The following SLC24A2 variants were observed in gnomAD, a reference collection of about 807,000 sequenced individuals.
SLC24A2 encodes the protein solute carrier family 24 member 2.
In SLC24A2, 36 loss-of-function variants were observed where a neutral mutation model predicts 62.0. The observed-to-expected ratio is 0.58, with a 90% CI of 0.44 to 0.77. The LOEUF (loss-of-function observed/expected upper bound fraction) is 0.77. Among genes scored for constraint, SLC24A2 ranks in the 30% least tolerant of loss-of-function variants. The pLI is 0.00. For missense variants in SLC24A2, 846 were observed against 817.9 expected (o/e 1.03, Z -0.42); for synonymous variants, 358 against 294.0 (o/e 1.22, Z -2.23).
At chr9:19,766,887 G>A (rs1163198854) in intron 2 of SLC24A2, among the ~76,000 whole-genome samples, 2 of 152,244 alleles carry the variant, frequency 1.3e-5, no homozygotes, top group Non-Finnish European at 2.9e-5. Context: ...CTGAAGCTAC[G>A]CCCACAGCCA....
rs533058730 is a variant in SLC24A2, at chr9:19,587,572, T to C, written c.1129+9657A>G. 2.6e-5 allele frequency among the ~76,000 whole-genome samples: 4 copies of C among 152,306 alleles called. No homozygotes were observed. In the South Asian group the frequency reaches 8.3e-4, roughly 32 times the overall value. On this transcript the variant is annotated intron_variant, in intron 5 of 10. Transcript: ENST00000341998. ...AGGCCTATGACTAAAATGAGATGAT[T>C]AGGTTTACTTCAGATCTAATCAAAA...
the SLC24A2 span, among the ~76,000 whole-genome samples, chr9:19,837,029 C>T: frequency 1.3e-5 from 2 of 152,070 alleles, no homozygotes. Context: ...ATTCAACAAC[C>T]CTTCATGCTA....
At chr9:19,915,792 T>A in the SLC24A2 span, among the ~76,000 whole-genome samples, 734 of 152,188 alleles carry the variant, frequency 4.8e-3, 10 homozygotes, top group African/African-American at 0.017. Flanking sequence ...ATTTACCTTA[T>A]TCTTGAGTTT....
chr9:19,927,161 G>C, the SLC24A2 span: 2 of 152,244 alleles, frequency 1.3e-5, no homozygotes, highest in East Asian at 1.9e-4. Context: ...CTGGACCTTA[G>C]CATGTTACCT....
chr9:20,003,246 C>T, the SLC24A2 span, among the ~76,000 whole-genome samples: 2 of 152,184 alleles, frequency 1.3e-5, no homozygotes, highest in Admixed American at 1.3e-4. Context: ...CCCATGACCA[C>T]AGGCAAAATG....
the SLC24A2 span, among the ~76,000 whole-genome samples, chr9:19,806,604 G>A: frequency 6.6e-6 from 1 of 152,120 alleles, no homozygotes; most frequent in South Asian, 2.1e-4. Context: ...GATCTTCTGA[G>A]CTATCTGATC....
chr9:19,998,311 C>T, the SLC24A2 span, among the ~76,000 whole-genome samples: 142 of 152,204 alleles, frequency 9.3e-4, 2 homozygotes, highest in Non-Finnish European at 1.6e-4. Context: ...AGCCTGAACT[C>T]GCCCACACAT....
chr9:19,707,837 G>A (rs1270722485), intron 2 of SLC24A2, among the ~76,000 whole-genome samples: 8 of 151,964 alleles, frequency 5.3e-5, no homozygotes, highest in Admixed American at 1.3e-4. Context: ...CCCTTTGAAA[G>A]CTGGCACAAG....
the SLC24A2 span, among the ~76,000 whole-genome samples, chr9:20,130,699 A>T: frequency 6.6e-6 from 1 of 152,174 alleles, no homozygotes; most frequent in Non-Finnish European, 1.5e-5. Flanking sequence ...TGATCTGATT[A>T]CTATTTGAAA....
chr9:20,110,197 G>A, the SLC24A2 span, among the ~76,000 whole-genome samples: 1 of 152,012 alleles, frequency 6.6e-6, no homozygotes, highest in African/African-American at 2.4e-5. Flanking sequence ...GTGGGGTTTT[G>A]TAAACCATTT....
At chr9:19,651,868 A>G (rs59895930) in intron 2 of SLC24A2, among the ~76,000 whole-genome samples, 279 of 152,312 alleles carry the variant, frequency 1.8e-3, no homozygotes, top group African/African-American at 6.5e-3. Context: ...CGCAGGCTTC[A>G]GCAGCTGCGC....
At chr9:19,631,765 A>G (rs1818185647) in intron 2 of SLC24A2, among the ~76,000 whole-genome samples, 1 of 152,150 alleles carries the variant, frequency 6.6e-6, no homozygotes, top group African/African-American at 2.4e-5. Context: ...AGCGGAAACC[A>G]TTTGACTAAT....
intron 2 of SLC24A2, among the ~76,000 whole-genome samples, chr9:19,668,171 A>G (rs1819311838): frequency 6.6e-6 from 1 of 152,156 alleles, no homozygotes; most frequent in Non-Finnish European, 1.5e-5. Context: ...TTCATTGCCA[A>G]CAGTCTGTTA....
At chr9:19,670,269 T>C (rs1819377718) in intron 2 of SLC24A2, among the ~76,000 whole-genome samples, 1 of 152,192 alleles carries the variant, frequency 6.6e-6, no homozygotes, top group African/African-American at 2.4e-5. Context: ...TAGCCTGGGT[T>C]ATTCCTTATT....
chr9:19,636,331 C>CTTTCTTTCTTTCT (rs1564009839), intron 2 of SLC24A2, among the ~76,000 whole-genome samples: 1 of 19,576 alleles, frequency 5.1e-5, no homozygotes, highest in African/African-American at 2.5e-4. Context: ...TTCTTTCTTT[C>CTTTCTTTCTTTCT]TTTCTTTCTT....
At chr9:19,689,049 T>C (rs1019285098) in intron 2 of SLC24A2, among the ~76,000 whole-genome samples, 1 of 152,176 alleles carries the variant, frequency 6.6e-6, no homozygotes, top group African/African-American at 2.4e-5. Context: ...ATATTAAGCA[T>C]TGCTTTAATC....
intron 2 of SLC24A2, among the ~76,000 whole-genome samples, chr9:19,627,033 A>G (rs1818052393): frequency 6.6e-6 from 1 of 152,162 alleles, no homozygotes; most frequent in Non-Finnish European, 1.5e-5. Flanking sequence ...AAATTCCTAG[A>G]CAAAGAAAGA....
the SLC24A2 span, among the ~76,000 whole-genome samples, chr9:20,241,745 G>C: frequency 2.6e-5 from 4 of 152,102 alleles, no homozygotes; most frequent in Middle Eastern, 3.2e-3. Flanking sequence ...AGGCTGAGTA[G>C]AGAGGAGTGG....
chr9:19,609,290 C>T (rs1563995888), intron 4 of SLC24A2, among the ~76,000 whole-genome samples: 1 of 152,248 alleles, frequency 6.6e-6, no homozygotes, highest in African/African-American at 2.4e-5. Flanking sequence ...CTTGGTGCCT[C>T]ACCAAGAGCA....
Sources: allele counts gnomAD v4.1 joint callset (sites outside exome capture counted in the v4.1 genomes callset), GRCh38; gene constraint gnomAD v4.1.1; transcripts MANE v1.5; gene names NCBI Gene and HGNC (gene_info 2026-07-23, HGNC 2026-07-21).